KCNK13: variants seen among roughly 807,000 people sequenced by gnomAD.
KCNK13 encodes potassium channel subfamily K member 13.
In KCNK13, 12 loss-of-function variants were observed where a neutral mutation model predicts 23.4. The observed-to-expected ratio is 0.51, with a 90% CI of 0.33 to 0.83. The LOEUF is 0.83. Ranked by LOEUF, KCNK13 falls within the 40% of genes least tolerant of loss-of-function variation. The pLI is 0.02. For missense variants in KCNK13, 463 were observed against 556.3 expected (o/e 0.83, Z 1.69); for synonymous variants, 231 against 229.5 (o/e 1.01, Z -0.06).
intron 1 of KCNK13, among the ~76,000 whole-genome samples, chr14:90,119,435 T>A (rs563856917): frequency 2.0e-5 from 3 of 152,274 alleles, no homozygotes; most frequent in African/African-American, 7.2e-5. Flanking sequence ...CATCAAAAAC[T>A]AATCCACCAC....
intron 1 of KCNK13, among the ~76,000 whole-genome samples, chr14:90,121,833 C>G (rs1276476671): frequency 6.6e-6 from 1 of 152,062 alleles, no homozygotes; most frequent in Non-Finnish European, 1.5e-5. Context: ...GATTCTCCTG[C>G]CTCAGCCTCC....
chr14:90,093,551 G>A (rs932184109), intron 1 of KCNK13, among the ~76,000 whole-genome samples: 2 of 152,262 alleles, frequency 1.3e-5, no homozygotes, highest in Admixed American at 1.3e-4. Context: ...GCTGTATTCC[G>A]AGGCACCCCT....
chr14:90,141,429 T>A (rs539619191), intron 1 of KCNK13, among the ~76,000 whole-genome samples: 1 of 152,120 alleles, frequency 6.6e-6, no homozygotes, highest in Non-Finnish European at 1.5e-5. Flanking sequence ...TGCCCAAGCA[T>A]CCTTATGCCC....
intron 1 of KCNK13, among the ~76,000 whole-genome samples, chr14:90,082,474 C>A (rs1048279706): frequency 1.6e-4 from 25 of 152,194 alleles, no homozygotes; most frequent in African/African-American, 6.0e-4. Flanking sequence ...AATCTACTTT[C>A]TATTTCTATA....
chr14:90,129,878 T>G (rs1041570984), intron 1 of KCNK13, among the ~76,000 whole-genome samples: 3 of 152,034 alleles, frequency 2.0e-5, no homozygotes, highest in Non-Finnish European at 4.4e-5. Flanking sequence ...AAGTAAACAG[T>G]GAACAATTCA....
intron 1 of KCNK13, among the ~76,000 whole-genome samples, chr14:90,121,975 C>A (rs900256780): frequency 6.6e-6 from 1 of 152,132 alleles, no homozygotes; most frequent in Non-Finnish European, 1.5e-5. Flanking sequence ...CCGCCTCTGC[C>A]TCCCAAAGTG....
chr14:90,111,656 T>G (rs3861653), intron 1 of KCNK13, among the ~76,000 whole-genome samples: 81,892 of 151,854 alleles, frequency 0.54, 22,530 homozygotes, highest in East Asian at 0.71. Flanking sequence ...TGGAGAAGGG[T>G]CTGAGCCCTT....
At chr14:90,154,060 A>G (rs1225398202) in intron 1 of KCNK13, among the ~76,000 whole-genome samples, 4 of 151,984 alleles carry the variant, frequency 2.6e-5, no homozygotes, top group African/African-American at 9.7e-5. Context: ...TTCAGTCAGG[A>G]TTTTATCCTT....
At chr14:90,097,145 C>A (rs1889421168) in intron 1 of KCNK13, among the ~76,000 whole-genome samples, 1 of 152,082 alleles carries the variant, frequency 6.6e-6, no homozygotes, top group Admixed American at 6.5e-5. Flanking sequence ...TGCCTCTGCC[C>A]AATAGAACCA....
intron 1 of KCNK13, among the ~76,000 whole-genome samples, chr14:90,087,187 T>A (rs1410790037): frequency 6.8e-6 from 1 of 147,352 alleles, no homozygotes; most frequent in Non-Finnish European, 1.5e-5. Context: ...GGCCTCACTA[T>A]GTTGCCCAGG....
intron 1 of KCNK13, among the ~76,000 whole-genome samples, chr14:90,113,891 C>T (rs1889644056): frequency 6.6e-6 from 1 of 151,866 alleles, no homozygotes; most frequent in African/African-American, 2.4e-5. Context: ...CAAGATTGCG[C>T]CACTGAACTC....
At chr14:90,075,072 G>A (rs1283955795) in intron 1 of KCNK13, among the ~76,000 whole-genome samples, 1 of 151,516 alleles carries the variant, frequency 6.6e-6, no homozygotes, top group Non-Finnish European at 1.5e-5. Context: ...AAATTTGATG[G>A]ACTTAATATT....
intron 1 of KCNK13, among the ~76,000 whole-genome samples, chr14:90,180,166 T>C (rs1298133581): frequency 6.6e-6 from 1 of 152,178 alleles, no homozygotes; most frequent in Non-Finnish European, 1.5e-5. Context: ...ACCACTCAGC[T>C]TCTGTAGTTT....
intron 1 of KCNK13, among the ~76,000 whole-genome samples, chr14:90,115,723 G>A (rs572316471): frequency 2.0e-5 from 3 of 152,344 alleles, no homozygotes; most frequent in African/African-American, 4.8e-5. Flanking sequence ...CAGGCAACAG[G>A]CCGATCTAGG....
chr14:90,177,000 C>G (rs762571517), intron 1 of KCNK13, among the ~76,000 whole-genome samples: 120 of 152,100 alleles, frequency 7.9e-4, no homozygotes, highest in African/African-American at 2.8e-3. Flanking sequence ...AGCCTTGCGA[C>G]AGAGCGGGAC....
At chr14:90,178,231 C>CAAAAAGA (rs1890444894) in intron 1 of KCNK13, among the ~76,000 whole-genome samples, 1 of 75,072 alleles carries the variant, frequency 1.3e-5, no homozygotes, top group Non-Finnish European at 2.5e-5. Context: ...TTCCTAAAAG[C>CAAAAAGA]AAAAAAAAAA....
Position 90,062,675 on chromosome 14 carries a change from G to C in KCNK13, c.334+136G>C. On this transcript the variant is annotated intron_variant, in intron 1 of 1. Coordinates refer to ENST00000282146, the MANE Select transcript of KCNK13 (RefSeq NM_022054.4). The surrounding 1 kb of genome is among the most constrained non-coding windows in gnomAD (Gnocchi z 4.5). The stretch of plus-strand genomic sequence containing the variant: ...ACTCCACTGACATGAGCTGTCGCCT[G>C]ATCAACAGGTGGTATTGCCTCCCCG... 1.6e-6 allele frequency: 1 copy of C among 628,394 alleles called. No individual in the cohort carries two copies. The highest frequency in any genetic ancestry group is 2.6e-6 in the Non-Finnish European group (1 of 385,088). 38.9% of individuals were successfully genotyped at this position (628,394 alleles called of 1,614,324 possible).
intron 1 of KCNK13, among the ~76,000 whole-genome samples, chr14:90,129,328 T>C (rs1347209611): frequency 6.6e-6 from 1 of 152,216 alleles, no homozygotes. Flanking sequence ...TCTTGGCAGA[T>C]GTCTCCTAGA....
chr14:90,148,422 C>T (rs1048975383), intron 1 of KCNK13, among the ~76,000 whole-genome samples: 2 of 152,208 alleles, frequency 1.3e-5, no homozygotes, highest in Non-Finnish European at 2.9e-5. Flanking sequence ...GGAGAATAAC[C>T]TGCAAACAGA....
Sources: gnomAD v4.1 joint callset for allele counts (sites outside exome capture counted in the v4.1 genomes callset) on GRCh38, gnomAD v4.1.1 for gene constraint, Gnocchi (gnomAD v3.1) non-coding constraint, MANE v1.5 for transcripts, NCBI Gene and HGNC (gene_info 2026-07-23, HGNC 2026-07-21) for gene names.